Variants in DDR2 observed in about 807,000 individuals in gnomAD.
DDR2 encodes discoidin domain receptor tyrosine kinase 2, also known as discoidin domain-containing receptor 2.
DDR2 carries 27 observed loss-of-function variants against 94.9 expected under a neutral mutation model. The observed-to-expected ratio is 0.28, with a 90% CI of 0.21 to 0.39. The LOEUF (loss-of-function observed/expected upper bound fraction) is 0.39. Among genes scored for constraint, DDR2 ranks in the 10% least tolerant of loss-of-function variants. DDR2 has a pLI of 1.00. For synonymous variants in DDR2, 382 were observed against 377.2 expected (o/e 1.01, Z -0.15); for missense variants, 783 against 1,076.0 (o/e 0.73, Z 3.81).
intron 3 of DDR2, among the ~76,000 whole-genome samples, chr1:162,741,194 TAATAC>T (rs201436659): frequency 1.0e-4 from 8 of 77,540 alleles, no homozygotes; most frequent in Admixed American, 4.1e-4. Context: ...TAACATAACA[TAATAC>T]AATACAATAC....
At chr1:162,736,276 C>T (rs1205695753) in intron 3 of DDR2, among the ~76,000 whole-genome samples, 1 of 152,182 alleles carries the variant, frequency 6.6e-6, no homozygotes, top group African/African-American at 2.4e-5. Context: ...GGAATCACTG[C>T]CTTACAGAAA....
At chr1:162,763,445 C>T (rs989071480) in intron 9 of DDR2, among the ~76,000 whole-genome samples, 2 of 144,866 alleles carry the variant, frequency 1.4e-5, no homozygotes, top group African/African-American at 2.6e-5. Context: ...GCGATCCAGC[C>T]GCCTAGGCCT....
intron 2 of DDR2, among the ~76,000 whole-genome samples, chr1:162,695,199 AG>A (rs1468721711): frequency 2.6e-5 from 4 of 152,186 alleles, no homozygotes; most frequent in African/African-American, 9.7e-5. Flanking sequence ...ACGATGGGAA[AG>A]CTGGTGAGAC....
At chr1:162,682,001 C>T (rs1659434130) in intron 2 of DDR2, among the ~76,000 whole-genome samples, 1 of 152,136 alleles carries the variant, frequency 6.6e-6, no homozygotes, top group Non-Finnish European at 1.5e-5. Context: ...TTAGGTGACT[C>T]CCACCAAATA....
At chr1:162,657,261 C>T (rs1036368285) in intron 2 of DDR2, among the ~76,000 whole-genome samples, 5 of 152,154 alleles carry the variant, frequency 3.3e-5, no homozygotes, top group African/African-American at 1.2e-4. Flanking sequence ...GTCATATTAT[C>T]CCTGGAACTA....
chr1:162,709,084 G>A (rs1294362019), intron 2 of DDR2, among the ~76,000 whole-genome samples: 3 of 152,174 alleles, frequency 2.0e-5, no homozygotes, highest in Non-Finnish European at 4.4e-5. Context: ...TTTTACAGGT[G>A]AGAAGACAGA....
chr1:162,705,086 C>A (rs1660601354), intron 2 of DDR2: 1 of 152,292 alleles, frequency 6.6e-6, no homozygotes, highest in African/African-American at 2.4e-5. Context: ...ACTGTAGCCT[C>A]ATTTCTGTGG....
intron 3 of DDR2, among the ~76,000 whole-genome samples, chr1:162,742,816 C>T (rs141684277): frequency 5.3e-5 from 8 of 152,206 alleles, no homozygotes; most frequent in South Asian, 2.1e-4. Flanking sequence ...TGGCACGAGG[C>T]GAAAGGCACT....
At chr1:162,666,966 A>T (rs1201941622) in intron 2 of DDR2, among the ~76,000 whole-genome samples, 3 of 150,804 alleles carry the variant, frequency 2.0e-5, no homozygotes, top group African/African-American at 7.3e-5. Context: ...ATATATATAT[A>T]TATATCTCCA....
intron 3 of DDR2, among the ~76,000 whole-genome samples, chr1:162,723,860 C>T (rs146314179): frequency 1.7e-3 from 254 of 152,290 alleles, no homozygotes; most frequent in African/African-American, 5.7e-3. Context: ...GTGGGAGTCC[C>T]CCTTTGGTAT....
chr1:162,719,190 T>G, intron 3 of DDR2, 45 bp downstream of exon 3: 1 of 1,613,126 alleles, frequency 6.2e-7, no homozygotes, highest in Non-Finnish European at 8.5e-7. Context: ...ACCAGCAGAA[T>G]GTTTAAACCC....
In DDR2 at chr1:162,776,315, T is replaced by C. The variant is rs1439165135; in HGVS notation, c.2228T>C (p.Ile743Thr). 1 of 1,614,032 alleles carries C rather than the reference T, an allele frequency of 6.2e-7. No homozygotes were observed. Among genetic ancestry groups the C allele is most frequent in the South Asian group, 1.1e-5 (1 of 91,070 alleles). ...CTGTACAGTGGTGACTATTACCGGA[T>C]CCAGGGCCGGGCAGTGCTCCCTATC... ...RNLYSGDYYR[I>T]QGRAVLPIRW... Residue 743 changes from isoleucine to threonine, a missense_variant, in exon 16 of 18, where the codon ATC becomes ACC. This residue lies in a region of DDR2 where 264 missense variants were observed against 428.2 expected (regional missense o/e 0.62). Transcript: ENST00000367921.
At chr1:162,712,721 A>T (rs116460868) in intron 2 of DDR2, among the ~76,000 whole-genome samples, 622 of 152,264 alleles carry the variant, frequency 4.1e-3, no homozygotes, top group Admixed American at 6.7e-3. Flanking sequence ...ACTACAAAGG[A>T]CATATTCTCT....
intron 3 of DDR2, among the ~76,000 whole-genome samples, chr1:162,739,677 G>C (rs1299007509): frequency 6.6e-6 from 1 of 152,154 alleles, no homozygotes; most frequent in Non-Finnish European, 1.5e-5. Context: ...ATTGTGAATA[G>C]TGTGAGCGGA....
At chr1:162,715,251 C>T (rs955135586) in intron 2 of DDR2, among the ~76,000 whole-genome samples, 4 of 152,024 alleles carry the variant, frequency 2.6e-5, no homozygotes, top group African/African-American at 9.7e-5. Flanking sequence ...GAACATGGAG[C>T]TTGTGTGTGT....
At chr1:162,660,845 G>T (rs960135131) in intron 2 of DDR2, among the ~76,000 whole-genome samples, 1 of 152,200 alleles carries the variant, frequency 6.6e-6, no homozygotes. Flanking sequence ...CATATTGTCT[G>T]TGGCTTCTTT....
intron 12 of DDR2, among the ~76,000 whole-genome samples, chr1:162,770,933 G>A (rs1664237644): frequency 2.0e-5 from 3 of 152,096 alleles, no homozygotes; most frequent in African/African-American, 7.2e-5. Context: ...ATAAATAAAT[G>A]AAGCTAAAGA....
intron 1 of DDR2, among the ~76,000 whole-genome samples, chr1:162,651,397 T>G (rs188309667): frequency 1.3e-5 from 2 of 152,342 alleles, no homozygotes; most frequent in Non-Finnish European, 1.5e-5. Context: ...TCTGCATTCT[T>G]TCTATCTGAC....
At chr1:162,653,175 A>T (rs1657785863) in intron 1 of DDR2, among the ~76,000 whole-genome samples, 1 of 152,184 alleles carries the variant, frequency 6.6e-6, no homozygotes, top group Non-Finnish European at 1.5e-5. Context: ...GATCAAAGCA[A>T]ATTAGCTTTG....
Sources: allele counts gnomAD v4.1 joint callset (sites outside exome capture counted in the v4.1 genomes callset), GRCh38; gene constraint gnomAD v4.1.1; regional missense constraint gnomAD v4.1.1; transcripts MANE v1.5; gene names NCBI Gene and HGNC (gene_info 2026-07-23, HGNC 2026-07-21).